RANBP2: variants seen among roughly 807,000 people sequenced by gnomAD.
The protein encoded by RANBP2 is RAN binding protein 2, also known as E3 SUMO-protein ligase RanBP2.
Under a neutral mutation model 303.6 loss-of-function variants are expected in RANBP2, and 57 were observed. The ratio of observed to expected loss-of-function variants is 0.19; its 90% CI spans 0.15 to 0.23. The LOEUF is 0.23. Ranked by LOEUF, RANBP2 falls within the 10% of genes least tolerant of loss-of-function variation. The probability of loss-of-function intolerance (pLI) is 1.00; values close to 1 mark genes in which losing one functional copy is unlikely to be tolerated. For synonymous variants in RANBP2, 1,167 were observed against 1,301.5 expected, an observed-to-expected ratio of 0.90 and a Z score of 2.23; for missense variants, 3,138 against 3,780.8, an observed-to-expected ratio of 0.83 and a Z score of 4.46.
At chr2:109,556,862 C>T in the RANBP2 span, among the ~76,000 whole-genome samples, 1 of 152,116 alleles carries the variant, frequency 6.6e-6, no homozygotes, top group African/African-American at 2.4e-5. Context: ...GAGTTCATGT[C>T]CTTTGTAGGG....
At chr2:109,592,189 G>C in the RANBP2 span, among the ~76,000 whole-genome samples, 12 of 152,172 alleles carry the variant, frequency 7.9e-5, no homozygotes, top group Non-Finnish European at 1.0e-4. Flanking sequence ...TAACGGCCGG[G>C]CGTGGTGGCT....
chr2:109,098,334 A>C, the RANBP2 span, among the ~76,000 whole-genome samples: 1 of 152,156 alleles, frequency 6.6e-6, no homozygotes, highest in South Asian at 2.1e-4. Flanking sequence ...ACCAAACCCA[A>C]ACTAAGTTGT....
At chr2:108,889,499 A>C in the RANBP2 span, among the ~76,000 whole-genome samples, 1 of 152,142 alleles carries the variant, frequency 6.6e-6, no homozygotes, top group African/African-American at 2.4e-5. Flanking sequence ...TAGAATAATT[A>C]TATCCTCTTG....
chr2:109,510,402 G>T, the RANBP2 span, among the ~76,000 whole-genome samples: 1 of 152,180 alleles, frequency 6.6e-6, no homozygotes, highest in South Asian at 2.1e-4. Flanking sequence ...CCAAGGGGGC[G>T]GTGAGGGCAT....
chr2:108,738,962 T>G (rs1344740362), intron 6 of RANBP2, among the ~76,000 whole-genome samples: 2 of 152,106 alleles, frequency 1.3e-5, no homozygotes, highest in African/African-American at 4.8e-5. Flanking sequence ...AATAATTATT[T>G]TTCAACAGCA....
the RANBP2 span, among the ~76,000 whole-genome samples, chr2:109,374,431 A>T: frequency 6.6e-6 from 1 of 152,118 alleles, no homozygotes; most frequent in Non-Finnish European, 1.5e-5. Flanking sequence ...TGCACGCCAC[A>T]CACCACATGG....
At chr2:109,567,724 C>G in the RANBP2 span, 1 of 1,227,036 alleles carries the variant, frequency 8.1e-7, no homozygotes, top group Non-Finnish European at 1.1e-6. Flanking sequence ...TTGGAAGACA[C>G]AAGTGAAAGT....
At chr2:108,979,902 C>A in the RANBP2 span, among the ~76,000 whole-genome samples, 3 of 152,176 alleles carry the variant, frequency 2.0e-5, no homozygotes, top group Non-Finnish European at 2.9e-5. Flanking sequence ...GGCATCACTG[C>A]TGGGCGGTGG....
chr2:108,970,548 G>A, the RANBP2 span, among the ~76,000 whole-genome samples: 3 of 152,076 alleles, frequency 2.0e-5, no homozygotes, highest in African/African-American at 4.8e-5. Context: ...AGCCTGACTG[G>A]GCAGGGAGGT....
At chr2:109,318,112 G>T in the RANBP2 span, among the ~76,000 whole-genome samples, 1 of 136,476 alleles carries the variant, frequency 7.3e-6, no homozygotes, top group Non-Finnish European at 1.6e-5. Flanking sequence ...AAAAAAAAAA[G>T]CCCCCTTTAA....
the RANBP2 span, among the ~76,000 whole-genome samples, chr2:108,849,797 G>A: frequency 2.0e-5 from 3 of 152,224 alleles, no homozygotes; most frequent in African/African-American, 2.4e-5. Context: ...AACCTGTGGG[G>A]TTCCAGTGTT....
chr2:109,256,163 G>A, the RANBP2 span, among the ~76,000 whole-genome samples: 4 of 152,276 alleles, frequency 2.6e-5, no homozygotes, highest in African/African-American at 7.2e-5. Flanking sequence ...AGCACCTGGC[G>A]GAGGCCCTCA....
chr2:109,564,468 T>C, the RANBP2 span: 2 of 1,589,884 alleles, frequency 1.3e-6, no homozygotes, highest in Non-Finnish European at 1.7e-6. Flanking sequence ...CTCTCGCAGG[T>C]CCTCCATATT....
chr2:109,346,099 G>A, the RANBP2 span, among the ~76,000 whole-genome samples: 50 of 152,208 alleles, frequency 3.3e-4, no homozygotes, highest in African/African-American at 1.0e-3. Flanking sequence ...CCTTGCCTCC[G>A]CTCTCTAAAA....
chr2:109,146,840 C>T, the RANBP2 span, among the ~76,000 whole-genome samples: 7 of 44,606 alleles, frequency 1.6e-4, no homozygotes, highest in Non-Finnish European at 2.4e-4. Flanking sequence ...CTAACCCTCC[C>T]CTCCCCTCCC....
the RANBP2 span, among the ~76,000 whole-genome samples, chr2:109,451,084 C>T: frequency 6.6e-6 from 1 of 152,348 alleles, no homozygotes; most frequent in African/African-American, 2.4e-5. Context: ...TTCCGCAGGG[C>T]CTCAGCACCT....
chr2:109,471,907 G>T, the RANBP2 span, among the ~76,000 whole-genome samples: 1 of 152,320 alleles, frequency 6.6e-6, no homozygotes, highest in Admixed American at 6.5e-5. Flanking sequence ...TCTCTAGAAG[G>T]CAGGGGCTGT....
the RANBP2 span, among the ~76,000 whole-genome samples, chr2:109,631,376 C>T: frequency 6.6e-6 from 1 of 152,158 alleles, no homozygotes; most frequent in Non-Finnish European, 1.5e-5. Context: ...GAAAAGAAGT[C>T]TTATTTGTAA....
At chr2:109,353,572 G>T in the RANBP2 span, among the ~76,000 whole-genome samples, 1 of 152,154 alleles carries the variant, frequency 6.6e-6, no homozygotes, top group Non-Finnish European at 1.5e-5. Context: ...GGAGTGGGGT[G>T]CCCTGTGTCA....
Sources: gnomAD v4.1 joint callset for allele counts (sites outside exome capture counted in the v4.1 genomes callset) on GRCh38, gnomAD v4.1.1 for gene constraint, MANE v1.5 for transcripts, NCBI Gene and HGNC (gene_info 2026-07-23, HGNC 2026-07-21) for gene names.